The following FAM117B variants were observed in gnomAD, a reference collection of about 807,000 sequenced individuals.
The protein encoded by FAM117B is family with sequence similarity 117 member B.
FAM117B carries 22 observed loss-of-function variants against 52.8 expected under a neutral mutation model. That is an observed-to-expected ratio of 0.42 (90% CI 0.30 to 0.59). FAM117B has a LOEUF of 0.59. Among genes scored for constraint, FAM117B ranks in the 20% least tolerant of loss-of-function variants. The pLI is 0.22. For missense variants in FAM117B, 678 were observed against 802.6 expected (o/e 0.84, Z 1.88); for synonymous variants, 309 against 324.1 (o/e 0.95, Z 0.50).
chr2:202,655,761 A>AGT lies in FAM117B; in HGVS notation c.601+19996_601+19997dup, dbSNP rs1182174843. Among the ~76,000 whole-genome samples, 443 of 100,218 alleles carry AGT rather than the reference A, an allele frequency of 4.4e-3. 2 individuals are homozygous for AGT. The highest frequency in any genetic ancestry group is 5.6e-3 in the Middle Eastern group (1 of 178). The allele number at this position is 100,218 out of a possible 152,430, so 65.7% of individuals were successfully genotyped here. ...GAGAGAGAGAGAGAGAGAGAGAGAG[A>AGT]GTGTGTGTGTGTGTGTGTGTGTGTT... On this transcript the variant is annotated intron_variant, in intron 1 of 7. Transcript: ENST00000392238.
intron 2 of FAM117B, among the ~76,000 whole-genome samples, chr2:202,724,297 C>T (rs1042751571): frequency 6.6e-6 from 1 of 152,138 alleles, no homozygotes; most frequent in Admixed American, 6.5e-5. Context: ...TCCGCCTTGG[C>T]CTCCCAAAGT....
At chr2:202,639,051 C>A (rs1384276548) in intron 1 of FAM117B, among the ~76,000 whole-genome samples, 5 of 152,132 alleles carry the variant, frequency 3.3e-5, no homozygotes, top group Non-Finnish European at 7.4e-5. Flanking sequence ...CGTCAGAGTC[C>A]CTTTTTCATT....
intron 4 of FAM117B, among the ~76,000 whole-genome samples, chr2:202,753,994 A>C (rs757041542): frequency 1.3e-5 from 2 of 152,206 alleles, no homozygotes; most frequent in African/African-American, 2.4e-5. Flanking sequence ...TAGAACCAGA[A>C]ATACCATTTG....
intron 1 of FAM117B, among the ~76,000 whole-genome samples, chr2:202,666,952 T>C (rs1690215091): frequency 6.6e-6 from 1 of 151,792 alleles, no homozygotes; most frequent in African/African-American, 2.4e-5. Context: ...GCCAGTATGT[T>C]TCATTTCTAT....
chr2:202,659,604 C>CTTTTTT lies in FAM117B; in HGVS notation c.601+23841_601+23846dup, dbSNP rs71030981. Among the ~76,000 whole-genome samples the CTTTTTT allele has an allele frequency of 1.3e-3, 82 of 62,312 alleles. 18 individuals carry two copies. The highest frequency in any genetic ancestry group is 2.4e-3 in the African/African-American group (40 of 16,624). 40.9% of individuals were successfully genotyped at this position (62,312 alleles called of 152,430 possible). ...GAGATTACAGACGTGAGCCACCGTG[C>CTTTTTT]TTTTTTTTTTTTTTTTTTTTTTTTT... is the stretch of plus-strand genomic sequence containing the variant. On this transcript the variant is annotated intron_variant, in intron 1 of 7. Transcript: ENST00000392238.
At chr2:202,760,995 C>G (rs532079601) in intron 7 of FAM117B, among the ~76,000 whole-genome samples, 1 of 152,294 alleles carries the variant, frequency 6.6e-6, no homozygotes, top group South Asian at 2.1e-4. Flanking sequence ...GCAGCCTTGA[C>G]CTCCCCGGGC....
intron 2 of FAM117B, among the ~76,000 whole-genome samples, chr2:202,699,600 A>G (rs191000591): frequency 1.3e-5 from 2 of 152,288 alleles, no homozygotes; most frequent in Admixed American, 1.3e-4. Flanking sequence ...TGAATTTAGC[A>G]GTAACACAAT....
At position 202,726,277 on chromosome 2, in the gene FAM117B, A is replaced by G; in HGVS notation, c.874A>G (p.Arg292Gly). Reference sequence around the variant, plus strand: ...TGCAAAATTACGCCAGCAGTTGCAGAGAAGTAAACACAGCAGTCGGCATCA... The same window carrying G: ...TGCAAAATTACGCCAGCAGTTGCAGGGAAGTAAACACAGCAGTCGGCATCA... ...EIAKLRQQLQRSKHSSRHHRD... is the reference protein window; with the variant it reads ...EIAKLRQQLQGSKHSSRHHRD... The change falls in exon 4 of 8, where the codon AGA becomes GGA. Residue 292 changes from arginine (R) to glycine (G), a missense_variant. Physicochemically the swap from Arg to Gly is moderately radical, Grantham distance 125. Coordinates refer to ENST00000392238, the MANE Select transcript of FAM117B (RefSeq NM_173511.4). The G allele has an allele frequency of 6.2e-7, 1 of 1,612,786 alleles. No homozygotes were observed. Among genetic ancestry groups the G allele is most frequent in the Non-Finnish European group, 8.5e-7 (1 of 1,179,652 alleles).
chr2:202,688,331 CCTT>C (rs1372735026), intron 1 of FAM117B, among the ~76,000 whole-genome samples: 3 of 152,050 alleles, frequency 2.0e-5, no homozygotes, highest in African/African-American at 4.8e-5. Flanking sequence ...GACAAATTTC[CCTT>C]CTTGGAGGCA....
chr2:202,695,505 T>C (rs1456062332), intron 1 of FAM117B, among the ~76,000 whole-genome samples: 1 of 152,184 alleles, frequency 6.6e-6, no homozygotes, highest in Non-Finnish European at 1.5e-5. Flanking sequence ...TTGGATTGAC[T>C]GTCATGGTTT....
At chr2:202,746,186 C>G (rs1013846095) in intron 4 of FAM117B, among the ~76,000 whole-genome samples, 1 of 152,046 alleles carries the variant, frequency 6.6e-6, no homozygotes, top group Non-Finnish European at 1.5e-5. Context: ...CAGGATAGAC[C>G]ATATGTTAGG....
intron 1 of FAM117B, among the ~76,000 whole-genome samples, chr2:202,660,467 A>G (rs1461422753): frequency 1.3e-5 from 2 of 151,902 alleles, no homozygotes; most frequent in Non-Finnish European, 2.9e-5. Context: ...TCAGTTTGGG[A>G]CCTGAGTGGT....
chr2:202,750,853 A>G (rs1354002090), intron 4 of FAM117B, among the ~76,000 whole-genome samples: 2 of 152,202 alleles, frequency 1.3e-5, no homozygotes, highest in Non-Finnish European at 2.9e-5. Flanking sequence ...TGTCTGTTTT[A>G]TACGCATGCA....
intron 1 of FAM117B, among the ~76,000 whole-genome samples, chr2:202,665,718 A>G (rs1690195042): frequency 6.6e-6 from 1 of 152,208 alleles, no homozygotes; most frequent in African/African-American, 2.4e-5. Flanking sequence ...CTCCTGCCTC[A>G]GCCTCCTGAG....
At chr2:202,639,208 C>T (rs1689730520) in intron 1 of FAM117B, among the ~76,000 whole-genome samples, 1 of 152,166 alleles carries the variant, frequency 6.6e-6, no homozygotes, top group African/African-American at 2.4e-5. Flanking sequence ...TTCTAGGTGT[C>T]TTATCAGATG....
intron 1 of FAM117B, among the ~76,000 whole-genome samples, chr2:202,639,820 T>C (rs1373366298): frequency 6.6e-6 from 1 of 152,234 alleles, no homozygotes; most frequent in Non-Finnish European, 1.5e-5. Context: ...CTAGTTTTAG[T>C]GTATTTAACA....
In FAM117B at chr2:202,721,779, G is replaced by A. The variant is rs11891460; in HGVS notation, c.754-3138G>A. ...CTTTCAAGTAGCTAGGACTACAGTCGTGAGTCATGAGGCCCAGCTAATTTT... is the reference window on the plus strand; with the variant it reads ...CTTTCAAGTAGCTAGGACTACAGTCATGAGTCATGAGGCCCAGCTAATTTT... On this transcript the variant is annotated intron_variant, in intron 2 of 7. Transcript: ENST00000392238. Among the ~76,000 whole-genome samples the A allele has an allele frequency of 5.2e-3, 792 of 152,028 alleles. 11 individuals carry two copies. Among genetic ancestry groups the A allele is most frequent in the African/African-American group, 0.018 (732 of 41,472 alleles).
At chr2:202,699,067 A>G (rs1690755950) in intron 2 of FAM117B, among the ~76,000 whole-genome samples, 2 of 152,294 alleles carry the variant, frequency 1.3e-5, no homozygotes, top group Non-Finnish European at 2.9e-5. Context: ...ATTAAAATAT[A>G]AACCCTATAT....
chr2:202,734,146 C>T (rs560696306), intron 4 of FAM117B, among the ~76,000 whole-genome samples: 11 of 152,222 alleles, frequency 7.2e-5, no homozygotes, highest in East Asian at 3.9e-4. Context: ...AAATGATGAA[C>T]GACTGCTAAT....
Sources: gnomAD v4.1 joint callset for allele counts (sites outside exome capture counted in the v4.1 genomes callset) on GRCh38, gnomAD v4.1.1 for gene constraint, MANE v1.5 for transcripts, NCBI Gene and HGNC (gene_info 2026-07-23, HGNC 2026-07-21) for gene names.